Variants in NXPH1 observed in about 807,000 individuals in gnomAD.
NXPH1 encodes the protein neurexophilin 1.
Under a neutral mutation model 23.7 loss-of-function variants are expected in NXPH1, and 5 were observed. That is an observed-to-expected ratio of 0.21 (90% CI 0.11 to 0.44). The LOEUF (loss-of-function observed/expected upper bound fraction) is 0.44, where lower values mean the gene tolerates loss of function less well. Among genes scored for constraint, NXPH1 ranks in the 20% least tolerant of loss-of-function variants. The pLI is 0.99. For missense variants in NXPH1, 324 were observed against 321.6 expected, an observed-to-expected ratio of 1.01 and a Z score of -0.06; for synonymous variants, 144 against 122.2, an observed-to-expected ratio of 1.18 and a Z score of -1.18.
chr7:8,734,786 G>T (rs551351182), intron 2 of NXPH1, among the ~76,000 whole-genome samples: 133 of 152,284 alleles, frequency 8.7e-4, no homozygotes, highest in Non-Finnish European at 1.7e-3. Context: ...AATATTGACC[G>T]TGGGGTATTA....
At chr7:8,575,348 A>T (rs1584243115) in intron 2 of NXPH1, among the ~76,000 whole-genome samples, 1 of 152,174 alleles carries the variant, frequency 6.6e-6, no homozygotes, top group African/African-American at 2.4e-5. Flanking sequence ...ACAGGTCATT[A>T]ATCCTTAATG....
chr7:8,554,901 T>A (rs1818332394), intron 2 of NXPH1, among the ~76,000 whole-genome samples: 2 of 151,684 alleles, frequency 1.3e-5, no homozygotes, highest in African/African-American at 2.4e-5. Context: ...CCTATTAGAA[T>A]TTTAGGAGGG....
chr7:8,477,825 T>C (rs1817002859), intron 2 of NXPH1, among the ~76,000 whole-genome samples: 1 of 152,162 alleles, frequency 6.6e-6, no homozygotes, highest in Admixed American at 6.6e-5. Flanking sequence ...CTTATGTGTC[T>C]TATTGTAGAG....
At chr7:8,525,841 C>A (rs1817853139) in intron 2 of NXPH1, among the ~76,000 whole-genome samples, 1 of 152,316 alleles carries the variant, frequency 6.6e-6, no homozygotes, top group Admixed American at 6.5e-5. Flanking sequence ...GATGCCCAGG[C>A]AAAAGTTTGC....
In NXPH1 at chr7:8,751,350, C is replaced by T; in HGVS notation, c.397C>T (p.Leu133=). The change falls in exon 3 of 3, where the codon CTG becomes TTG. Residue 133 remains leucine (L), a synonymous_variant. Transcript: ENST00000405863. This position sits in a 1 kb window ranked among gnomAD's most constrained non-coding sequence, Gnocchi z 4.5. ...TCATTCCAACATCAAAACAGTGAAG[C>T]TGAACCTGTTGATAACTGGGAAAAT... The part of the protein sequence containing the change: ...DFHSNIKTVK[L]NLLITGKIVD... The T allele has an allele frequency of 6.2e-7, 1 of 1,613,872 alleles. No individual in the cohort carries two copies. Among genetic ancestry groups the T allele is most frequent in the Admixed American group, 1.7e-5 (1 of 59,970 alleles).
At chr7:8,703,450 T>C (rs182897435) in intron 2 of NXPH1, among the ~76,000 whole-genome samples, 63 of 152,250 alleles carry the variant, frequency 4.1e-4, no homozygotes, top group African/African-American at 1.3e-3. Flanking sequence ...CATAATGGTA[T>C]GCTTGTTATC....
At chr7:8,640,627 T>C (rs1401684616) in intron 2 of NXPH1, among the ~76,000 whole-genome samples, 1 of 152,136 alleles carries the variant, frequency 6.6e-6, no homozygotes, top group African/African-American at 2.4e-5. Context: ...ATTCTTATTC[T>C]TTTAGATAAA....
At chr7:8,730,879 C>G (rs1382541447) in intron 2 of NXPH1, among the ~76,000 whole-genome samples, 2 of 151,128 alleles carry the variant, frequency 1.3e-5, no homozygotes, top group Non-Finnish European at 2.9e-5. Context: ...TGAATCTGAA[C>G]GTTGGCCTGC....
rs552409395 is a variant in NXPH1, at chr7:8,633,094, A to C, written c.55-117914A>C. 4.9e-3 allele frequency among the ~76,000 whole-genome samples: 739 copies of C among 152,324 alleles called. 6 individuals carry two copies. Among genetic ancestry groups the C allele is most frequent in the Non-Finnish European group, 4.8e-3 (328 of 68,026 alleles). Reference sequence around the variant, plus strand: ...TCTACATGCAACCAAACTCACATAAAATCAATTAATAATGAAGTTAATACA... The same window carrying C: ...TCTACATGCAACCAAACTCACATAACATCAATTAATAATGAAGTTAATACA... On this transcript the variant is annotated intron_variant, in intron 2 of 2. Transcript: ENST00000405863.
intron 2 of NXPH1, among the ~76,000 whole-genome samples, chr7:8,672,545 C>A (rs1820888122): frequency 1.3e-5 from 2 of 150,230 alleles, no homozygotes; most frequent in Admixed American, 6.6e-5. Flanking sequence ...AAAAAGCAAA[C>A]AGCTTGAAAG....
At chr7:8,693,655 G>T (rs1320660764) in intron 2 of NXPH1, among the ~76,000 whole-genome samples, 3 of 152,108 alleles carry the variant, frequency 2.0e-5, no homozygotes, top group Admixed American at 6.5e-5. Flanking sequence ...ACCAGAAAAG[G>T]CAATCAATAA....
intron 2 of NXPH1, among the ~76,000 whole-genome samples, chr7:8,491,436 A>G (rs887860824): frequency 5.3e-5 from 8 of 152,076 alleles, no homozygotes; most frequent in Non-Finnish European, 1.0e-4. Flanking sequence ...AAGGAAATCA[A>G]GACAGTAAGG....
intron 2 of NXPH1, among the ~76,000 whole-genome samples, chr7:8,584,425 C>T (rs1004275289): frequency 6.6e-5 from 10 of 152,096 alleles, no homozygotes; most frequent in African/African-American, 9.7e-5. Flanking sequence ...GTTTATTTAA[C>T]AAATATGCAT....
intron 2 of NXPH1, among the ~76,000 whole-genome samples, chr7:8,725,892 A>G (rs1201633887): frequency 6.6e-6 from 1 of 152,142 alleles, no homozygotes; most frequent in Non-Finnish European, 1.5e-5. Flanking sequence ...TCTGATCAGA[A>G]AAAGACACTA....
chr7:8,609,765 G>C (rs1231936509), intron 2 of NXPH1, among the ~76,000 whole-genome samples: 1 of 152,078 alleles, frequency 6.6e-6, no homozygotes, highest in East Asian at 1.9e-4. Context: ...AGCTCTCAGA[G>C]CTATTTTTGT....
chr7:8,671,149 A>G (rs1820862997), intron 2 of NXPH1, among the ~76,000 whole-genome samples: 2 of 152,234 alleles, frequency 1.3e-5, no homozygotes, highest in South Asian at 4.1e-4. Flanking sequence ...ATAGTTAAAT[A>G]AATTACATAT....
intron 2 of NXPH1, among the ~76,000 whole-genome samples, chr7:8,609,979 A>G: frequency 6.6e-6 from 1 of 152,116 alleles, no homozygotes; most frequent in East Asian, 1.9e-4. Context: ...TTTGATTTAG[A>G]GGTACTGCTT....
intron 2 of NXPH1, among the ~76,000 whole-genome samples, chr7:8,682,640 T>A (rs1424432711): frequency 1.3e-5 from 2 of 152,194 alleles, no homozygotes; most frequent in African/African-American, 4.8e-5. Context: ...AATTGAAATA[T>A]AATCTCATGC....
chr7:8,582,354 C>T (rs1455735435), intron 2 of NXPH1, among the ~76,000 whole-genome samples: 6 of 152,170 alleles, frequency 3.9e-5, no homozygotes, highest in Non-Finnish European at 8.8e-5. Flanking sequence ...TTGGCAGGTC[C>T]TGAGTTCTTG....
Sources: allele counts gnomAD v4.1 joint callset (sites outside exome capture counted in the v4.1 genomes callset), GRCh38; gene constraint gnomAD v4.1.1; non-coding constraint Gnocchi (gnomAD v3.1); transcripts MANE v1.5; gene names NCBI Gene and HGNC (gene_info 2026-07-23, HGNC 2026-07-21).